Variants in ACOXL observed in about 807,000 individuals in gnomAD.
ACOXL encodes the protein acyl-CoA oxidase like, also known as acyl-coenzyme A oxidase-like protein.
ACOXL carries 70 observed loss-of-function variants against 71.9 expected under a neutral mutation model. That is an observed-to-expected ratio of 0.97 (90% CI 0.80 to 1.19). ACOXL has a LOEUF of 1.19. Ranked by LOEUF, ACOXL falls within the 50% of genes most tolerant of loss-of-function variation. The pLI is 0.00. For missense variants in ACOXL, 703 were observed against 736.3 expected, an observed-to-expected ratio of 0.95 and a Z score of 0.52; for synonymous variants, 253 against 281.6, an observed-to-expected ratio of 0.90 and a Z score of 1.02.
intron 17 of ACOXL, chr2:111,099,454 T>C (rs1333760975): frequency 1.3e-5 from 2 of 152,256 alleles, no homozygotes; most frequent in Non-Finnish European, 2.9e-5. Context: ...GAGCAAATAG[T>C]AAGCTGGGGC....
At chr2:110,989,760 T>C (rs779761867) in intron 13 of ACOXL, among the ~76,000 whole-genome samples, 1 of 152,144 alleles carries the variant, frequency 6.6e-6, no homozygotes, top group Non-Finnish European at 1.5e-5. Flanking sequence ...ATAGTCAAAA[T>C]GGGCTGGGCA....
At chr2:110,889,860 C>G (rs1419441767) in intron 10 of ACOXL, among the ~76,000 whole-genome samples, 1 of 152,128 alleles carries the variant, frequency 6.6e-6, no homozygotes, top group Non-Finnish European at 1.5e-5. Context: ...AATGGTAACT[C>G]TATGTTTAAC....
intron 15 of ACOXL, among the ~76,000 whole-genome samples, chr2:111,041,728 C>A (rs1448918472): frequency 6.6e-6 from 1 of 152,192 alleles, no homozygotes; most frequent in African/African-American, 2.4e-5. Flanking sequence ...GAGGGCAGCC[C>A]CCTGCACACA....
At chr2:111,059,701 T>C (rs1418145560) in intron 16 of ACOXL, among the ~76,000 whole-genome samples, 1 of 151,186 alleles carries the variant, frequency 6.6e-6, no homozygotes, top group Non-Finnish European at 1.5e-5. Flanking sequence ...ATTTTGTTTG[T>C]GCCTCATACA....
chr2:110,933,469 A>T lies in ACOXL; in HGVS notation c.906-20A>T. 2 of 1,608,080 alleles carry T rather than the reference A, an allele frequency of 1.2e-6. No individual in the cohort carries two copies. Among genetic ancestry groups the T allele is most frequent in the East Asian group, 4.5e-5 (2 of 44,726 alleles). On this transcript the variant is annotated intron_variant, in intron 11 of 17. Transcript: ENST00000439055. ...GACTGCACCGCCACTTCCATCACAC[A>T]TGTCTGCTTTGTCCTGCAGGTATGC...
chr2:111,049,351 G>T, intron 16 of ACOXL, 63 bp downstream of exon 16: 1 of 1,303,630 alleles, frequency 7.7e-7, no homozygotes. Context: ...GCCCTGAGGA[G>T]AGTTTCATTT....
intron 10 of ACOXL, among the ~76,000 whole-genome samples, chr2:110,878,074 C>T (rs1177933882): frequency 6.6e-6 from 1 of 152,194 alleles, no homozygotes; most frequent in African/African-American, 2.4e-5. Context: ...TTAAAACAAT[C>T]CCCATCCTTT....
At chr2:110,959,749 A>G (rs942440377) in intron 12 of ACOXL, among the ~76,000 whole-genome samples, 3 of 152,182 alleles carry the variant, frequency 2.0e-5, no homozygotes, top group South Asian at 4.1e-4. Context: ...ACCCCAGGCT[A>G]TAGAAGCTGA....
In ACOXL at chr2:110,818,513, GTGTATGTGTGTA is replaced by G. The variant is rs1688229354; in HGVS notation, c.753+13120_753+13131del. 4.9e-4 allele frequency among the ~76,000 whole-genome samples: 7 copies of G among 14,158 alleles called. No individual in the cohort carries two copies. In the South Asian group the frequency reaches 0.049, roughly 99 times the overall value. 9.3% of individuals were successfully genotyped at this position (14,158 alleles called of 152,430 possible). ...TATATGTGTATGTGTATATATATAT[GTGTATGTGTGTA>G]TATATATATGTGTATAAGTAGGTAT... is the stretch of plus-strand genomic sequence containing the variant. On this transcript the variant is annotated intron_variant, in intron 9 of 17. Transcript: ENST00000439055.
intron 1 of ACOXL, among the ~76,000 whole-genome samples, chr2:110,760,388 C>T (rs912822400): frequency 2.6e-5 from 4 of 152,174 alleles, no homozygotes; most frequent in African/African-American, 9.6e-5. Flanking sequence ...TCGTGATCCG[C>T]CCGCCTCAGC....
chr2:111,069,159 T>G (rs889016504), intron 16 of ACOXL, among the ~76,000 whole-genome samples: 1 of 151,202 alleles, frequency 6.6e-6, no homozygotes, highest in Non-Finnish European at 1.5e-5. Flanking sequence ...TTTTTTTTTT[T>G]TTTTTAATTT....
At chr2:111,105,643 ATT>A (rs1021324987) in intron 17 of ACOXL, among the ~76,000 whole-genome samples, 5 of 152,058 alleles carry the variant, frequency 3.3e-5, no homozygotes, top group Admixed American at 6.5e-5. Flanking sequence ...AAATAAAACT[ATT>A]TTTATATGTT....
At chr2:110,989,901 A>G (rs935557823) in intron 13 of ACOXL, among the ~76,000 whole-genome samples, 1 of 152,106 alleles carries the variant, frequency 6.6e-6, no homozygotes, top group African/African-American at 2.4e-5. Context: ...TTAGCCAGGC[A>G]TGGTGGCACA....
intron 9 of ACOXL, among the ~76,000 whole-genome samples, chr2:110,818,451 G>GTGTA (rs1373497384): frequency 1.5e-5 from 2 of 135,826 alleles, no homozygotes; most frequent in African/African-American, 5.6e-5. Flanking sequence ...GTGTGTGTGT[G>GTGTA]TATATATATA....
chr2:110,878,831 G>C (rs1014330887), intron 10 of ACOXL, among the ~76,000 whole-genome samples: 1 of 151,710 alleles, frequency 6.6e-6, no homozygotes, highest in African/African-American at 2.4e-5. Context: ...AGGCTGAGGC[G>C]GGTGGATCAC....
chr2:110,992,369 C>T (rs376478573), intron 13 of ACOXL, among the ~76,000 whole-genome samples: 8 of 152,120 alleles, frequency 5.3e-5, no homozygotes, highest in Non-Finnish European at 7.4e-5. Flanking sequence ...CACTGTGTAC[C>T]GGGCACTTCT....
chr2:110,967,096 A>G (rs1574316883), intron 12 of ACOXL, among the ~76,000 whole-genome samples: 2 of 152,376 alleles, frequency 1.3e-5, no homozygotes, highest in Middle Eastern at 3.4e-3. Context: ...ATTATCTGAT[A>G]AGGATTTTAA....
At position 110,885,701 on chromosome 2, in the gene ACOXL, A is replaced by C. The variant is rs556787369; in HGVS notation, c.789-23088A>C. ...TCAAACTTCCTTAGTAAGTGAAGCG[A>C]TGTCCTTTTTATACCTCTGTATTTT... On this transcript the variant is annotated intron_variant, in intron 10 of 17. Transcript: ENST00000439055. 2.6e-5 allele frequency among the ~76,000 whole-genome samples: 4 copies of C among 152,286 alleles called. No homozygotes were observed. The South Asian group carries it at 8.3e-4, about 32-fold the overall frequency.
intron 10 of ACOXL, among the ~76,000 whole-genome samples, chr2:110,893,980 CTT>C (rs901342667): frequency 6.6e-6 from 1 of 152,086 alleles, no homozygotes; most frequent in East Asian, 1.9e-4. Flanking sequence ...CTTTCTCTCT[CTT>C]TGTCTCTGTT....
Sources: gnomAD v4.1 joint callset for allele counts (sites outside exome capture counted in the v4.1 genomes callset) on GRCh38, gnomAD v4.1.1 for gene constraint, MANE v1.5 for transcripts, NCBI Gene and HGNC (gene_info 2026-07-23, HGNC 2026-07-21) for gene names.